The following ZNF385D variants were observed in gnomAD, a reference collection of about 807,000 sequenced individuals.
ZNF385D encodes zinc finger protein 385D.
Under a neutral mutation model 35.8 loss-of-function variants are expected in ZNF385D, and 15 were observed. That is an observed-to-expected ratio of 0.42 (90% CI 0.28 to 0.64). ZNF385D has a LOEUF of 0.64. ZNF385D is among the 30% of genes least tolerant of loss of function. The pLI is 0.23. For missense variants in ZNF385D, 474 were observed against 494.6 expected (o/e 0.96, Z 0.39); for synonymous variants, 212 against 186.8 (o/e 1.13, Z -1.10).
At chr3:21,784,854 A>T (rs1475306372) in intron 3 of ZNF385D, among the ~76,000 whole-genome samples, 1 of 152,158 alleles carries the variant, frequency 6.6e-6, no homozygotes, top group Non-Finnish European at 1.5e-5. Context: ...TGGCACTGTT[A>T]CTGATTGTGA....
At chr3:21,811,253 C>A (rs992878530) in intron 3 of ZNF385D, among the ~76,000 whole-genome samples, 1 of 152,020 alleles carries the variant, frequency 6.6e-6, no homozygotes, top group Non-Finnish European at 1.5e-5. Flanking sequence ...GCAATGAACA[C>A]CCTGATCGCT....
chr3:22,229,652 C>G (rs138041561), intron 2 of ZNF385D, among the ~76,000 whole-genome samples: 2 of 152,204 alleles, frequency 1.3e-5, no homozygotes, highest in Non-Finnish European at 2.9e-5. Flanking sequence ...CTCCCTTGCT[C>G]AAGCCACTCT....
intron 4 of ZNF385D, among the ~76,000 whole-genome samples, chr3:21,499,656 A>AC (rs1706218789): frequency 6.6e-6 from 1 of 151,912 alleles, no homozygotes; most frequent in African/African-American, 2.4e-5. Flanking sequence ...GAAAAAAAAA[A>AC]ACCAAAAAAC....
At chr3:21,483,752 A>G (rs1032761102) in intron 4 of ZNF385D, among the ~76,000 whole-genome samples, 20 of 152,012 alleles carry the variant, frequency 1.3e-4, no homozygotes, top group Admixed American at 1.2e-3. Flanking sequence ...GCTTTCGTCT[A>G]TTTTCTAAGT....
chr3:21,688,446 A>T (rs2067179249), intron 1 of ZNF385D, among the ~76,000 whole-genome samples: 1 of 152,132 alleles, frequency 6.6e-6, no homozygotes, highest in Non-Finnish European at 1.5e-5. Flanking sequence ...GTAATTAATA[A>T]TTTAGGGAAG....
intron 3 of ZNF385D, among the ~76,000 whole-genome samples, chr3:21,867,959 C>T (rs1400273906): frequency 1.3e-5 from 2 of 152,114 alleles, no homozygotes; most frequent in Non-Finnish European, 2.9e-5. Context: ...GTAGTGGCCA[C>T]TATATTGACC....
Position 21,908,074 on chromosome 3 carries a change from A to G in ZNF385D, c.326-243046T>C, listed in dbSNP as rs1699771681. Among the ~76,000 whole-genome samples, 3 of 152,000 alleles carry G rather than the reference A, an allele frequency of 2.0e-5. No homozygotes were observed. In the South Asian group the frequency reaches 6.2e-4, roughly 31 times the overall value. The stretch of plus-strand genomic sequence containing the variant: ...AACATTACTGATAGTAACTAGGCAA[A>G]AAAGTTATTTATTTTCTCTCTATAT... On this transcript the variant is annotated intron_variant, in intron 3 of 5. Coordinates refer to the ZNF385D transcript ENST00000494108.
At chr3:21,697,207 G>A (rs1163987877) in intron 1 of ZNF385D, among the ~76,000 whole-genome samples, 5 of 151,980 alleles carry the variant, frequency 3.3e-5, no homozygotes, top group Admixed American at 1.3e-4. Context: ...CCTATTCATC[G>A]AAAAAAGATT....
intron 1 of ZNF385D, among the ~76,000 whole-genome samples, chr3:21,742,385 T>C (rs2069558662): frequency 6.6e-6 from 1 of 152,216 alleles, no homozygotes; most frequent in Admixed American, 6.5e-5. Flanking sequence ...GAGGTGGCTT[T>C]GCAGAAATAC....
intron 2 of ZNF385D, 133 bp downstream of exon 2, chr3:21,664,753 C>T (rs942317960): frequency 5.6e-6 from 7 of 1,252,676 alleles, no homozygotes; most frequent in Non-Finnish European, 7.8e-6. Context: ...CAACTAACTT[C>T]ATTATGGCTT....
chr3:21,476,351 T>A (rs1024929249), intron 4 of ZNF385D, among the ~76,000 whole-genome samples: 5 of 152,094 alleles, frequency 3.3e-5, no homozygotes, highest in African/African-American at 1.2e-4. Context: ...TAAAAGATTA[T>A]CCTTTGAAGC....
At chr3:21,959,450 T>G (rs907835025) in intron 3 of ZNF385D, among the ~76,000 whole-genome samples, 7 of 152,100 alleles carry the variant, frequency 4.6e-5, no homozygotes, top group Non-Finnish European at 1.0e-4. Flanking sequence ...CAGTCAAAAA[T>G]CCAATCTCTA....
chr3:22,094,280 T>A (rs1701483137), intron 3 of ZNF385D, among the ~76,000 whole-genome samples: 1 of 151,022 alleles, frequency 6.6e-6, no homozygotes. Flanking sequence ...CATGTATTTA[T>A]CCTTGAATGC....
intron 2 of ZNF385D, among the ~76,000 whole-genome samples, chr3:22,226,905 A>G (rs1029055881): frequency 1.3e-5 from 2 of 152,164 alleles, no homozygotes; most frequent in African/African-American, 2.4e-5. Context: ...TCAATCTTGA[A>G]TCATATCATT....
intron 3 of ZNF385D, among the ~76,000 whole-genome samples, chr3:21,934,797 A>G (rs1290263944): frequency 6.6e-6 from 1 of 152,202 alleles, no homozygotes; most frequent in Non-Finnish European, 1.5e-5. Context: ...CTAACAGATG[A>G]GCTTGTTTTG....
At chr3:21,843,940 A>T (rs1695839399) in intron 3 of ZNF385D, among the ~76,000 whole-genome samples, 1 of 151,978 alleles carries the variant, frequency 6.6e-6, no homozygotes. Context: ...GAATGTGCAC[A>T]AAAGGAACTC....
intron 3 of ZNF385D, among the ~76,000 whole-genome samples, chr3:21,934,517 C>T (rs73044598): frequency 0.12 from 17,835 of 152,118 alleles, 1,307 homozygotes; most frequent in Non-Finnish European, 0.17. Context: ...AAGATCTTGG[C>T]TTTTTACCAG....
chr3:21,696,413 A>C (rs6775498), intron 1 of ZNF385D, among the ~76,000 whole-genome samples: 23,880 of 152,136 alleles, frequency 0.16, 2,013 homozygotes, highest in East Asian at 0.23. Flanking sequence ...CACAGAGAAA[A>C]CACACTACAA....
At chr3:21,671,446 T>C (rs2066574007) in intron 1 of ZNF385D, among the ~76,000 whole-genome samples, 1 of 152,132 alleles carries the variant, frequency 6.6e-6, no homozygotes, top group African/African-American at 2.4e-5. Flanking sequence ...AATATATCTA[T>C]TCATTAATTG....
Sources: gnomAD v4.1 joint callset for allele counts (sites outside exome capture counted in the v4.1 genomes callset) on GRCh38, gnomAD v4.1.1 for gene constraint, MANE v1.5 for transcripts, NCBI Gene and HGNC (gene_info 2026-07-23, HGNC 2026-07-21) for gene names.